Variants in PRKN observed in about 807,000 individuals in gnomAD.
The protein encoded by PRKN is E3 ubiquitin-protein ligase parkin.
Under a neutral mutation model 59.5 loss-of-function variants are expected in PRKN, and 56 were observed. The observed-to-expected ratio is 0.94, with a 90% CI of 0.76 to 1.18. PRKN has a LOEUF of 1.18. Ranked by LOEUF, PRKN falls within the 50% of genes most tolerant of loss-of-function variation. The pLI, the probability that PRKN is intolerant of heterozygous loss-of-function variation, is 0.00. For synonymous variants in PRKN, 250 were observed against 222.1 expected (o/e 1.13, Z -1.12); for missense variants, 657 against 596.4 (o/e 1.10, Z -1.06).
In PRKN at chr6:161,894,460, A is replaced by G. The variant is rs114729414; in HGVS notation, c.734+78842T>C. On this transcript the variant is annotated intron_variant, in intron 6 of 11. Transcript: ENST00000366898. Reference sequence around the variant, plus strand: ...CCATTCCCTTCTAAACTACAACCAAACTCATCAGGATGGGATTCCAATCAA... The same window carrying G: ...CCATTCCCTTCTAAACTACAACCAAGCTCATCAGGATGGGATTCCAATCAA... 4.6e-3 allele frequency among the ~76,000 whole-genome samples: 696 copies of G among 152,044 alleles called. 5 individuals carry two copies. Among genetic ancestry groups the G allele is most frequent in the Middle Eastern group, 0.017 (5 of 294 alleles).
At chr6:162,127,793 T>A (rs968804558) in intron 4 of PRKN, among the ~76,000 whole-genome samples, 3 of 152,210 alleles carry the variant, frequency 2.0e-5, no homozygotes, top group Non-Finnish European at 4.4e-5. Flanking sequence ...GCCTTATGAA[T>A]CCCATAATCC....
chr6:162,163,196 G>A (rs1432529304), intron 4 of PRKN, among the ~76,000 whole-genome samples: 1 of 148,996 alleles, frequency 6.7e-6, no homozygotes, highest in Admixed American at 6.7e-5. Flanking sequence ...TGCCACGCTA[G>A]TTTCTGTATA....
intron 7 of PRKN, among the ~76,000 whole-genome samples, chr6:161,601,877 C>T (rs1001993237): frequency 3.9e-5 from 6 of 152,066 alleles, no homozygotes; most frequent in Non-Finnish European, 7.4e-5. Flanking sequence ...CCACCGCGCC[C>T]GGCATATAGT....
At chr6:161,636,972 A>G (rs1442215137) in intron 7 of PRKN, among the ~76,000 whole-genome samples, 2 of 152,196 alleles carry the variant, frequency 1.3e-5, no homozygotes, top group African/African-American at 4.8e-5. Flanking sequence ...ACCTGTTACC[A>G]AAAGTGCCAC....
intron 2 of PRKN, among the ~76,000 whole-genome samples, chr6:162,341,436 T>A (rs1482765666): frequency 6.6e-6 from 1 of 152,188 alleles, no homozygotes; most frequent in South Asian, 2.1e-4. Context: ...TAAATCATTC[T>A]ACTATAAAGA....
chr6:161,901,110 G>T (rs1438200359), intron 6 of PRKN, among the ~76,000 whole-genome samples: 1 of 151,692 alleles, frequency 6.6e-6, no homozygotes, highest in Non-Finnish European at 1.5e-5. Flanking sequence ...TAGAGATGGG[G>T]TTTTGCCATG....
chr6:162,699,412 C>G (rs1258132252), intron 1 of PRKN, among the ~76,000 whole-genome samples: 2 of 152,108 alleles, frequency 1.3e-5, no homozygotes, highest in Admixed American at 1.3e-4. Context: ...ATCCACTCCT[C>G]CTAGATATGC....
At chr6:162,509,188 C>T (rs1793738590) in intron 1 of PRKN, among the ~76,000 whole-genome samples, 1 of 152,170 alleles carries the variant, frequency 6.6e-6, no homozygotes, top group Non-Finnish European at 1.5e-5. Context: ...CAAACATATC[C>T]ATTAAACCCC....
At chr6:162,477,724 C>G (rs549487485) in intron 1 of PRKN, among the ~76,000 whole-genome samples, 1 of 152,292 alleles carries the variant, frequency 6.6e-6, no homozygotes, top group East Asian at 1.9e-4. Flanking sequence ...ACACCAGCCA[C>G]AGGGAGCTTG....
chr6:162,344,909 G>A (rs774445700), intron 2 of PRKN, among the ~76,000 whole-genome samples: 34 of 152,182 alleles, frequency 2.2e-4, no homozygotes, highest in Non-Finnish European at 3.5e-4. Context: ...ATTTCACTGT[G>A]CTTTAACAAA....
intron 6 of PRKN, among the ~76,000 whole-genome samples, chr6:161,814,443 A>G (rs1433252891): frequency 1.3e-5 from 2 of 152,200 alleles, no homozygotes; most frequent in African/African-American, 2.4e-5. Flanking sequence ...AGAAGGCGAA[A>G]GAGGAGCAAA....
chr6:161,506,052 A>G (rs1490738007), intron 9 of PRKN, among the ~76,000 whole-genome samples: 1 of 151,116 alleles, frequency 6.6e-6, no homozygotes, highest in Non-Finnish European at 1.5e-5. Flanking sequence ...GTTTTTTCCA[A>G]TTCTGTGAAG....
rs1190407032 is a variant in PRKN at position 161,529,371 on chromosome 6, T to TCA, written c.1083+19481_1083+19482dup. On this transcript the variant is annotated intron_variant, in intron 9 of 11. Transcript: ENST00000366898. The surrounding 1 kb of genome is among the most constrained non-coding windows in gnomAD (Gnocchi z 4.4). ...AAGTTCACAGGCTTAGTGAGGCGAGTCACACATTAGCCCATCTGCTCTGGT... is the reference window on the plus strand; with the variant it reads ...AAGTTCACAGGCTTAGTGAGGCGAGTCACACACATTAGCCCATCTGCTCTGGT... 6.6e-6 allele frequency among the ~76,000 whole-genome samples: 1 copy of TCA among 152,070 alleles called. No homozygotes were observed. The highest frequency in any genetic ancestry group is 1.5e-5 in the Non-Finnish European group (1 of 68,016).
At chr6:161,666,859 A>C (rs763578565) in intron 7 of PRKN, among the ~76,000 whole-genome samples, 27 of 152,092 alleles carry the variant, frequency 1.8e-4, no homozygotes, top group Non-Finnish European at 3.7e-4. Context: ...GCTGGCAGAC[A>C]CTCAGCAGAA....
intron 2 of PRKN, among the ~76,000 whole-genome samples, chr6:162,397,384 A>G (rs1787526303): frequency 6.6e-6 from 1 of 151,996 alleles, no homozygotes; most frequent in Admixed American, 6.6e-5. Context: ...TTAATCCAAC[A>G]ATCTCTCTTT....
intron 7 of PRKN, among the ~76,000 whole-genome samples, chr6:161,620,188 G>C (rs1231414758): frequency 6.7e-6 from 1 of 149,276 alleles, no homozygotes; most frequent in Non-Finnish European, 1.5e-5. Flanking sequence ...TTTTAGTAGA[G>C]ATGGGGTTTC....
chr6:162,509,659 C>T (rs971310898), intron 1 of PRKN, among the ~76,000 whole-genome samples: 1 of 152,102 alleles, frequency 6.6e-6, no homozygotes, highest in Non-Finnish European at 1.5e-5. Flanking sequence ...ACAGAGATAG[C>T]AAATGTCTTA....
In PRKN at chr6:162,457,626, A is replaced by G. The variant is rs528672445; in HGVS notation, c.8-14153T>C. Among the ~76,000 whole-genome samples, 5 of 152,118 alleles carry G rather than the reference A, an allele frequency of 3.3e-5. No homozygotes were observed. In the East Asian group the frequency reaches 9.7e-4, roughly 29 times the overall value. On this transcript the variant is annotated intron_variant, in intron 1 of 11. Transcript: ENST00000366898. ...CAAACAAAGAAATAAAAACTACACA[A>G]AATCCCAAACTTAAGAGTCAGGCGT...
At chr6:161,425,958 C>A (rs1273439336) in intron 9 of PRKN, among the ~76,000 whole-genome samples, 2 of 151,972 alleles carry the variant, frequency 1.3e-5, no homozygotes. Flanking sequence ...GAGACTAATA[C>A]CCAGCCTCAG....
Sources: allele counts gnomAD v4.1 joint callset (sites outside exome capture counted in the v4.1 genomes callset), GRCh38; gene constraint gnomAD v4.1.1; non-coding constraint Gnocchi (gnomAD v3.1); transcripts MANE v1.5; gene names NCBI Gene and HGNC (gene_info 2026-07-23, HGNC 2026-07-21).